GRM8: variants seen among roughly 807,000 people sequenced by gnomAD.
GRM8 encodes the protein glutamate metabotropic receptor 8, also known as metabotropic glutamate receptor 8.
A neutral mutation model predicts 87.2 loss-of-function variants in GRM8; 47 were observed. The ratio of observed to expected loss-of-function variants is 0.54; its 90% CI spans 0.43 to 0.69. The LOEUF is 0.69. GRM8 is among the 30% of genes least tolerant of loss of function. GRM8 has a pLI of 0.00. For synonymous variants in GRM8, 396 were observed against 404.5 expected (o/e 0.98, Z 0.25); for missense variants, 1,019 against 1,139.2 (o/e 0.89, Z 1.52).
At chr7:127,216,739 C>T (rs1449642296) in intron 2 of GRM8, among the ~76,000 whole-genome samples, 6 of 152,136 alleles carry the variant, frequency 3.9e-5, no homozygotes, top group Non-Finnish European at 7.3e-5. Flanking sequence ...TTGTTCACTC[C>T]ATTCTATCCA....
intron 9 of GRM8, among the ~76,000 whole-genome samples, chr7:126,460,980 C>T (rs1160482136): frequency 3.3e-5 from 5 of 151,534 alleles, no homozygotes; most frequent in African/African-American, 9.7e-5. Context: ...GGACAGTGAA[C>T]TCAGACATCA....
At chr7:126,999,144 A>G (rs1420077172) in intron 3 of GRM8, among the ~76,000 whole-genome samples, 1 of 151,894 alleles carries the variant, frequency 6.6e-6, no homozygotes, top group Non-Finnish European at 1.5e-5. Flanking sequence ...TTGGAGAAAA[A>G]TCATCTCTTT....
At chr7:126,856,143 C>T (rs750228702) in intron 6 of GRM8, among the ~76,000 whole-genome samples, 5 of 151,276 alleles carry the variant, frequency 3.3e-5, no homozygotes, top group African/African-American at 4.9e-5. Context: ...TTCCTGAACT[C>T]AAATAATTAA....
chr7:126,903,791 A>G (rs1802406830), intron 5 of GRM8, among the ~76,000 whole-genome samples, 181 bp downstream of exon 5: 2 of 147,284 alleles, frequency 1.4e-5, no homozygotes, highest in South Asian at 2.1e-4. Flanking sequence ...ATATATATAT[A>G]TATATATATA....
At chr7:126,903,775 G>GTGTGTGTA (rs759583815) in intron 5 of GRM8, among the ~76,000 whole-genome samples, 197 bp downstream of exon 5, 20 of 87,670 alleles carry the variant, frequency 2.3e-4, no homozygotes, top group East Asian at 7.7e-4. Context: ...ATGTGTGTGT[G>GTGTGTGTA]TATATATATA....
intron 7 of GRM8, among the ~76,000 whole-genome samples, chr7:126,721,330 A>C (rs1048460595): frequency 2.0e-5 from 3 of 152,182 alleles, no homozygotes; most frequent in Admixed American, 6.5e-5. Context: ...TCACTAAAGC[A>C]CTGCTTTCCC....
chr7:126,578,989 G>A (rs956418499), intron 8 of GRM8, among the ~76,000 whole-genome samples: 1 of 152,112 alleles, frequency 6.6e-6, no homozygotes, highest in African/African-American at 2.4e-5. Flanking sequence ...TACTCTGTGT[G>A]CCAGTAATAG....
intron 9 of GRM8, among the ~76,000 whole-genome samples, chr7:126,474,793 G>C (rs1229884780): frequency 6.6e-6 from 1 of 152,114 alleles, no homozygotes; most frequent in African/African-American, 2.4e-5. Context: ...GCAAAATCAA[G>C]TGGGTTTTAT....
At position 126,873,408 on chromosome 7, in the gene GRM8, T is replaced by G. The variant is rs971811930; in HGVS notation, c.1156+29134A>C. Among the ~76,000 whole-genome samples, 4 of 152,224 alleles carry G rather than the reference T, an allele frequency of 2.6e-5. No individual in the cohort carries two copies. The East Asian group carries it at 7.7e-4, about 29-fold the overall frequency. ...GATGCTTATAAACTGTGTATCAGAT[T>G]TTGGCCTACGTGTTCCATATCTATA... is the stretch of plus-strand genomic sequence containing the variant. On this transcript the variant is annotated intron_variant, in intron 6 of 10. Transcript: ENST00000339582.
chr7:127,065,123 T>A (rs544689890), intron 3 of GRM8, among the ~76,000 whole-genome samples: 2 of 152,280 alleles, frequency 1.3e-5, no homozygotes, highest in South Asian at 4.1e-4. Flanking sequence ...AATCTAAATG[T>A]CCATCAATGA....
chr7:127,069,226 G>A lies in GRM8; in HGVS notation c.727+37270C>T, dbSNP rs187360645. 6.6e-5 allele frequency among the ~76,000 whole-genome samples: 10 copies of A among 152,252 alleles called. No homozygotes were observed. In the East Asian group the frequency reaches 1.5e-3, roughly 24 times the overall value. On this transcript the variant is annotated intron_variant, in intron 3 of 10. Transcript: ENST00000339582. Reference sequence around the variant, plus strand: ...TGCCCAGGCTGGAGTGCCACGGCACGATCTCAGCTCACTACAACCTCCACC... The same window carrying A: ...TGCCCAGGCTGGAGTGCCACGGCACAATCTCAGCTCACTACAACCTCCACC...
intron 3 of GRM8, among the ~76,000 whole-genome samples, chr7:126,959,015 A>G (rs944036080): frequency 3.9e-5 from 6 of 152,328 alleles, no homozygotes; most frequent in Middle Eastern, 3.4e-3. Flanking sequence ...CTTCAGAAAC[A>G]TGGAAAAAAT....
rs142669012 is a variant in GRM8, at chr7:126,896,690, T to A, written c.1156+5852A>T. 4.4e-3 allele frequency among the ~76,000 whole-genome samples: 669 copies of A among 152,290 alleles called. 7 individuals are homozygous for A. The highest frequency in any genetic ancestry group is 0.015 in the African/African-American group (637 of 41,564). On this transcript the variant is annotated intron_variant, in intron 6 of 10. Transcript: ENST00000339582. ...CTGCTATTTGGTTCACTGACAGGAT[T>A]GCTTGTTTGTGGGAAGAAACATATT...
intron 2 of GRM8, among the ~76,000 whole-genome samples, chr7:127,137,451 A>G (rs1158276895): frequency 6.6e-6 from 1 of 152,150 alleles, no homozygotes; most frequent in Non-Finnish European, 1.5e-5. Flanking sequence ...ATAGCATATA[A>G]TAGAAACTAA....
chr7:126,579,624 G>A (rs1226008669), intron 8 of GRM8, among the ~76,000 whole-genome samples: 1 of 152,036 alleles, frequency 6.6e-6, no homozygotes, highest in Non-Finnish European at 1.5e-5. Context: ...TATGAGAAGG[G>A]AAAAAGTAGT....
In GRM8 at chr7:126,852,401, C is replaced by T. The variant is rs541117551; in HGVS notation, c.1156+50141G>A. On this transcript the variant is annotated intron_variant, in intron 6 of 10. Transcript: ENST00000339582. ...ATTACAAACAAACAAACACAAAAAT[C>T]GAAGACAGTAGCAGTTCCTCAGTTA... Among the ~76,000 whole-genome samples, 4 of 152,232 alleles carry T rather than the reference C, an allele frequency of 2.6e-5. No homozygotes were observed. In the East Asian group the frequency reaches 7.7e-4, roughly 29 times the overall value.
chr7:126,814,216 A>G (rs1266932917), intron 6 of GRM8, among the ~76,000 whole-genome samples: 1 of 152,106 alleles, frequency 6.6e-6, no homozygotes, highest in African/African-American at 2.4e-5. Context: ...ATCACCAATA[A>G]GTTAAGATTG....
At chr7:126,773,546 A>T (rs1819085770) in intron 6 of GRM8, among the ~76,000 whole-genome samples, 1 of 152,132 alleles carries the variant, frequency 6.6e-6, no homozygotes, top group African/African-American at 2.4e-5. Flanking sequence ...TCAATTTAAT[A>T]TATTATCATT....
chr7:126,833,049 A>C (rs1795537345), intron 6 of GRM8, among the ~76,000 whole-genome samples: 1 of 152,238 alleles, frequency 6.6e-6, no homozygotes, highest in African/African-American at 2.4e-5. Context: ...ATGGTAAAGC[A>C]AATTTAGTTA....
Sources: gnomAD v4.1 joint callset for allele counts (sites outside exome capture counted in the v4.1 genomes callset) on GRCh38, gnomAD v4.1.1 for gene constraint, MANE v1.5 for transcripts, NCBI Gene and HGNC (gene_info 2026-07-23, HGNC 2026-07-21) for gene names.